Variants in ZCWPW2 observed in about 807,000 individuals in gnomAD.
The protein encoded by ZCWPW2 is zinc finger CW-type and PWWP domain containing 2.
In ZCWPW2, 45 loss-of-function variants were observed where a neutral mutation model predicts 46.6. The ratio of observed to expected loss-of-function variants is 0.96; its 90% CI spans 0.76 to 1.24. ZCWPW2 has a LOEUF of 1.24. Ranked by LOEUF, ZCWPW2 falls within the 50% of genes most tolerant of loss-of-function variation. The probability of loss-of-function intolerance (pLI) is 0.00; values close to 1 mark genes in which losing one functional copy is unlikely to be tolerated. For missense variants in ZCWPW2, 429 were observed against 403.9 expected (o/e 1.06, Z -0.53); for synonymous variants, 152 against 137.1 (o/e 1.11, Z -0.76).
chr3:28,478,876 C>T lies in ZCWPW2; in HGVS notation c.555C>T (p.Leu185=). 2 of 1,589,994 alleles carry T rather than the reference C, an allele frequency of 1.3e-6. No individual in the cohort carries two copies. Among genetic ancestry groups the T allele is most frequent in the Non-Finnish European group, 1.7e-6 (2 of 1,171,364 alleles). Residue 185 remains leucine, a synonymous_variant, in exon 5 of 10, where the codon CTC becomes CTT. Transcript: ENST00000383768. ...GTGCACTACAAGAAGCATGTCTACT[C>T]TATGGATATTCTCATGAGCAAAGAC... ...YKSALQEACL[L]YGYSHEQRLE...
chr3:28,523,858 A>C (rs1700786006), intron 9 of ZCWPW2, among the ~76,000 whole-genome samples: 1 of 152,142 alleles, frequency 6.6e-6, no homozygotes, highest in African/African-American at 2.4e-5. Flanking sequence ...GGAGGAAATA[A>C]ATTTTAGATT....
At chr3:28,491,520 C>T (rs1207595107) in intron 5 of ZCWPW2, among the ~76,000 whole-genome samples, 23 of 151,916 alleles carry the variant, frequency 1.5e-4, no homozygotes, top group Non-Finnish European at 2.2e-4. Context: ...TCCATTCTTG[C>T]TGAATCTTTC....
intron 1 of ZCWPW2, among the ~76,000 whole-genome samples, chr3:28,361,579 A>G (rs1214180905): frequency 6.6e-6 from 1 of 152,202 alleles, no homozygotes; most frequent in Non-Finnish European, 1.5e-5. Flanking sequence ...AAAAGAAACA[A>G]CAGAGTGAAA....
At chr3:28,464,673 C>G (rs1251429631) in intron 4 of ZCWPW2, among the ~76,000 whole-genome samples, 1 of 152,154 alleles carries the variant, frequency 6.6e-6, no homozygotes, top group Non-Finnish European at 1.5e-5. Flanking sequence ...GAAGAAGAAG[C>G]ATAGATGGAC....
chr3:28,451,095 G>A (rs543524999), intron 4 of ZCWPW2, among the ~76,000 whole-genome samples: 9 of 152,138 alleles, frequency 5.9e-5, no homozygotes, highest in South Asian at 4.1e-4. Flanking sequence ...TTGAGGTGTC[G>A]GTTTGCTGTT....
At chr3:28,502,908 C>G (rs924298936) in intron 6 of ZCWPW2, among the ~76,000 whole-genome samples, 11 of 152,088 alleles carry the variant, frequency 7.2e-5, no homozygotes, top group African/African-American at 1.9e-4. Context: ...TGAGGTTTAT[C>G]TATCTGTGAT....
chr3:28,406,704 G>T (rs570745308), intron 2 of ZCWPW2, among the ~76,000 whole-genome samples: 19 of 151,972 alleles, frequency 1.3e-4, no homozygotes, highest in Non-Finnish European at 2.6e-4. Context: ...CTCTTCTGAG[G>T]TTTTTCCACC....
intron 2 of ZCWPW2, among the ~76,000 whole-genome samples, chr3:28,391,534 C>G (rs1695490892): frequency 6.6e-6 from 1 of 152,114 alleles, no homozygotes; most frequent in Non-Finnish European, 1.5e-5. Context: ...ATGGGCATAC[C>G]TGAAATGCCT....
intron 6 of ZCWPW2, among the ~76,000 whole-genome samples, chr3:28,513,219 G>T (rs1219816133): frequency 6.6e-6 from 1 of 152,022 alleles, no homozygotes; most frequent in Non-Finnish European, 1.5e-5. Flanking sequence ...CTTAATACTT[G>T]TGAATTACAA....
intron 4 of ZCWPW2, among the ~76,000 whole-genome samples, chr3:28,442,549 T>A (rs1697806586): frequency 6.6e-6 from 1 of 152,192 alleles, no homozygotes; most frequent in African/African-American, 2.4e-5. Context: ...ACCCTTGAGG[T>A]GCGACAGTAA....
At chr3:28,446,761 A>G (rs974115166) in intron 4 of ZCWPW2, among the ~76,000 whole-genome samples, 6 of 152,076 alleles carry the variant, frequency 3.9e-5, no homozygotes, top group African/African-American at 1.4e-4. Flanking sequence ...AAAACTGTCA[A>G]ACCTTTAGCT....
At chr3:28,358,988 A>G (rs1029360158) in intron 1 of ZCWPW2, among the ~76,000 whole-genome samples, 4 of 152,160 alleles carry the variant, frequency 2.6e-5, no homozygotes, top group Admixed American at 1.3e-4. Flanking sequence ...CAGAGAAAAG[A>G]CTGAAAACTA....
In ZCWPW2 at chr3:28,504,920, A is replaced by C. The variant is rs977287761; in HGVS notation, c.658-9144A>C. On this transcript the variant is annotated intron_variant, in intron 6 of 9. Coordinates refer to ENST00000383768, the MANE Select transcript of ZCWPW2 (RefSeq NM_001040432.4). ...TTATAAGTGAAATCTGTTCTATTAC[A>C]AAAAGAAATACCTGGATTTTCATGG... Among the ~76,000 whole-genome samples, 4 of 152,190 alleles carry C rather than the reference A, an allele frequency of 2.6e-5. No homozygotes were observed. In the East Asian group the frequency reaches 7.7e-4, roughly 29 times the overall value.
chr3:28,491,916 A>G (rs926479139), intron 5 of ZCWPW2, among the ~76,000 whole-genome samples: 4 of 152,104 alleles, frequency 2.6e-5, no homozygotes, highest in African/African-American at 9.7e-5. Context: ...AAATAAGTAT[A>G]AAAATGTTCA....
At chr3:28,421,782 G>T (rs1480810206) in intron 3 of ZCWPW2, among the ~76,000 whole-genome samples, 4 of 150,452 alleles carry the variant, frequency 2.7e-5, no homozygotes, top group African/African-American at 9.8e-5. Flanking sequence ...GGGAGAAATA[G>T]AAAGAAATGA....
intron 1 of ZCWPW2, among the ~76,000 whole-genome samples, chr3:28,352,017 A>C (rs761923613): frequency 1.3e-5 from 2 of 152,004 alleles, no homozygotes; most frequent in Non-Finnish European, 2.9e-5. Flanking sequence ...CCCAAAATAA[A>C]ACCTGGTATT....
At chr3:28,399,597 A>T (rs1470731987) in intron 2 of ZCWPW2, among the ~76,000 whole-genome samples, 1 of 152,228 alleles carries the variant, frequency 6.6e-6, no homozygotes, top group Non-Finnish European at 1.5e-5. Context: ...GAGATGGTTC[A>T]CATCACAGGA....
At position 28,368,765 on chromosome 3, in the gene ZCWPW2, G is replaced by A. The variant is rs143446283; in HGVS notation, c.-134+19562G>A. ...ATCCCGCAGAGTGTTTTCCAACTTG[G>A]TTCCATTCTCCTTGTCACTTTCAGG... On this transcript the variant is annotated intron_variant, in intron 1 of 9. Transcript: ENST00000383768. 1.3e-3 allele frequency among the ~76,000 whole-genome samples: 193 copies of A among 152,272 alleles called. 1 individual carries two copies. The highest frequency in any genetic ancestry group is 2.2e-3 in the Non-Finnish European group (149 of 68,022).
In ZCWPW2 at chr3:28,469,361, C is replaced by T. The variant is rs542414396; in HGVS notation, c.493-9453C>T. 2.0e-5 allele frequency among the ~76,000 whole-genome samples: 3 copies of T among 152,122 alleles called. No individual in the cohort carries two copies. In the South Asian group the frequency reaches 6.2e-4, roughly 32 times the overall value. On this transcript the variant is annotated intron_variant, in intron 4 of 9. Coordinates refer to ENST00000383768, the MANE Select transcript of ZCWPW2 (RefSeq NM_001040432.4). Reference sequence around the variant, plus strand: ...AATAACAAAATGGCAGGAGTAAGTCCTTTCTTATCGATAATAACATTGAAT... The same window carrying T: ...AATAACAAAATGGCAGGAGTAAGTCTTTTCTTATCGATAATAACATTGAAT...
Sources: gnomAD v4.1 joint callset for allele counts (sites outside exome capture counted in the v4.1 genomes callset) on GRCh38, gnomAD v4.1.1 for gene constraint, MANE v1.5 for transcripts, NCBI Gene and HGNC (gene_info 2026-07-23, HGNC 2026-07-21) for gene names.